Variants in FSTL4 observed in about 807,000 individuals in gnomAD.
The protein encoded by FSTL4 is follistatin-related protein 4.
Under a neutral mutation model 78.2 loss-of-function variants are expected in FSTL4, and 28 were observed. That is an observed-to-expected ratio of 0.36 (90% CI 0.27 to 0.49). The LOEUF (loss-of-function observed/expected upper bound fraction) is 0.49. Ranked by LOEUF, FSTL4 falls within the 20% of genes least tolerant of loss-of-function variation. The probability of loss-of-function intolerance (pLI) is 0.98; values close to 1 mark genes in which losing one functional copy is unlikely to be tolerated. For missense variants in FSTL4, 922 were observed against 1,084.9 expected (o/e 0.85, Z 2.11); for synonymous variants, 422 against 440.5 (o/e 0.96, Z 0.53).
intron 2 of FSTL4, among the ~76,000 whole-genome samples, chr5:133,580,505 C>T (rs150950910): frequency 6.6e-6 from 1 of 152,178 alleles, no homozygotes; most frequent in Non-Finnish European, 1.5e-5. Context: ...CAAACAAACA[C>T]ACAAACAAAG....
intron 3 of FSTL4, among the ~76,000 whole-genome samples, chr5:133,556,128 G>A (rs890707216): frequency 1.3e-5 from 2 of 152,102 alleles, no homozygotes; most frequent in Non-Finnish European, 2.9e-5. Context: ...TTTTGAATAC[G>A]AATATTTCAA....
At chr5:133,211,881 A>C (rs1750738401) in intron 13 of FSTL4, among the ~76,000 whole-genome samples, 1 of 151,686 alleles carries the variant, frequency 6.6e-6, no homozygotes, top group South Asian at 2.1e-4. Flanking sequence ...AGAGAATTGA[A>C]CTCTTGATTT....
chr5:133,634,116 G>T, the FSTL4 span, among the ~76,000 whole-genome samples: 1 of 152,108 alleles, frequency 6.6e-6, no homozygotes, highest in Admixed American at 6.6e-5. Flanking sequence ...GAGAAAGGGT[G>T]CCTTCTTCCT....
the FSTL4 span, among the ~76,000 whole-genome samples, chr5:133,637,366 C>T: frequency 6.6e-6 from 1 of 152,124 alleles, no homozygotes; most frequent in African/African-American, 2.4e-5. Context: ...CAGTCCTCAT[C>T]TTATTTGGCT....
chr5:133,838,511 C>T, the FSTL4 span, among the ~76,000 whole-genome samples: 14 of 152,178 alleles, frequency 9.2e-5, no homozygotes, highest in Non-Finnish European at 2.1e-4. Flanking sequence ...CAATCAGATG[C>T]TGGCTTTGGC....
At chr5:133,268,910 G>A (rs1000973061) in intron 6 of FSTL4, among the ~76,000 whole-genome samples, 6 of 151,256 alleles carry the variant, frequency 4.0e-5, no homozygotes, top group Admixed American at 1.3e-4. Context: ...GGCTGGGCGC[G>A]GTGGCTCGTG....
chr5:133,526,009 T>C (rs987451771), intron 3 of FSTL4, among the ~76,000 whole-genome samples: 1 of 152,148 alleles, frequency 6.6e-6, no homozygotes, highest in Non-Finnish European at 1.5e-5. Context: ...AGCTTGTTAT[T>C]CTCTCAACTG....
At chr5:133,485,948 G>A (rs1758124586) in intron 3 of FSTL4, among the ~76,000 whole-genome samples, 2 of 152,166 alleles carry the variant, frequency 1.3e-5, no homozygotes, top group Admixed American at 1.3e-4. Context: ...TCTCCAGTTC[G>A]GGACTATGGA....
chr5:133,272,698 A>G (rs968311248), intron 6 of FSTL4, among the ~76,000 whole-genome samples: 1 of 152,260 alleles, frequency 6.6e-6, no homozygotes, highest in Non-Finnish European at 1.5e-5. Context: ...TTAAAGGAAT[A>G]ATAACTCTTC....
chr5:133,777,012 C>T, the FSTL4 span, among the ~76,000 whole-genome samples: 5 of 152,190 alleles, frequency 3.3e-5, no homozygotes, highest in Admixed American at 3.3e-4. Context: ...CTTCCCATCA[C>T]TCATTCATTC....
rs369315592 is a variant in FSTL4, at chr5:133,595,641, G to A, written c.126+8217C>T. On this transcript the variant is annotated intron_variant, in intron 2 of 15. Coordinates refer to ENST00000265342, the MANE Select transcript of FSTL4 (RefSeq NM_015082.2). Reference sequence around the variant, plus strand: ...CACATCAGACTGTGGCTCAGGAAGGGCGCACAGTCTTCTTGACAGCCACTG... The same window carrying A: ...CACATCAGACTGTGGCTCAGGAAGGACGCACAGTCTTCTTGACAGCCACTG... Among the ~76,000 whole-genome samples, 180 of 152,310 alleles carry A rather than the reference G, an allele frequency of 1.2e-3. 1 individual carries two copies. Among genetic ancestry groups the A allele is most frequent in the African/African-American group, 3.9e-3 (163 of 41,580 alleles).
intron 3 of FSTL4, among the ~76,000 whole-genome samples, chr5:133,428,451 T>C (rs543287420): frequency 3.3e-5 from 5 of 152,282 alleles, no homozygotes; most frequent in African/African-American, 1.2e-4. Context: ...GAGGGTACCC[T>C]GTCCAGAGCC....
the FSTL4 span, among the ~76,000 whole-genome samples, chr5:133,702,355 G>A: frequency 6.6e-6 from 1 of 152,168 alleles, no homozygotes; most frequent in Non-Finnish European, 1.5e-5. Context: ...TCCTCGGCCT[G>A]AGCACAGGGC....
At chr5:133,402,483 A>G (rs1289744852) in intron 3 of FSTL4, among the ~76,000 whole-genome samples, 2 of 152,252 alleles carry the variant, frequency 1.3e-5, no homozygotes, top group African/African-American at 4.8e-5. Flanking sequence ...TTAAGTGTTA[A>G]TTAAATCTCC....
chr5:133,522,390 A>G (rs1429921443), intron 3 of FSTL4, among the ~76,000 whole-genome samples: 1 of 152,196 alleles, frequency 6.6e-6, no homozygotes, highest in African/African-American at 2.4e-5. Flanking sequence ...GTAATTACCT[A>G]TGTGCCACAA....
chr5:133,325,678 C>T (rs1437675887), intron 4 of FSTL4, among the ~76,000 whole-genome samples: 2 of 152,126 alleles, frequency 1.3e-5, no homozygotes, highest in Non-Finnish European at 2.9e-5. Context: ...ACAGGCCATC[C>T]CTGCAGAAAC....
At chr5:133,296,183 C>T (rs1199907059) in intron 6 of FSTL4, among the ~76,000 whole-genome samples, 1 of 152,136 alleles carries the variant, frequency 6.6e-6, no homozygotes, top group Non-Finnish European at 1.5e-5. Context: ...ATCCTGGACT[C>T]CTTTCTTTTC....
chr5:133,331,713 G>A (rs377443892), intron 4 of FSTL4, among the ~76,000 whole-genome samples: 13 of 152,066 alleles, frequency 8.5e-5, no homozygotes, highest in East Asian at 1.9e-4. Context: ...TTAACCTCTC[G>A]GACTTGAACG....
chr5:133,312,485 T>C, intron 6 of FSTL4, 169 bp downstream of exon 6: 1 of 631,990 alleles, frequency 1.6e-6, no homozygotes, highest in South Asian at 2.0e-5. Flanking sequence ...CACTCTCCGT[T>C]TAGTCTTTTC....
Sources: gnomAD v4.1 joint callset for allele counts (sites outside exome capture counted in the v4.1 genomes callset) on GRCh38, gnomAD v4.1.1 for gene constraint, MANE v1.5 for transcripts, NCBI Gene and HGNC (gene_info 2026-07-23, HGNC 2026-07-21) for gene names.